The following MPP7 variants were observed in gnomAD, a reference collection of about 807,000 sequenced individuals.
MPP7 encodes the protein MAGUK p55 scaffold protein 7.
In MPP7, 60 loss-of-function variants were observed where a neutral mutation model predicts 76.5. The ratio of observed to expected loss-of-function variants is 0.78; its 90% CI spans 0.64 to 0.97. MPP7 has a LOEUF of 0.97. Among genes scored for constraint, MPP7 ranks in the 50% least tolerant of loss-of-function variants. The pLI is 0.00. For synonymous variants in MPP7, 237 were observed against 244.5 expected (o/e 0.97, Z 0.29); for missense variants, 641 against 694.0 (o/e 0.92, Z 0.86).
At chr10:28,279,615 G>A (rs1359572663) in intron 1 of MPP7, among the ~76,000 whole-genome samples, 1 of 151,392 alleles carries the variant, frequency 6.6e-6, no homozygotes, top group Non-Finnish European at 1.5e-5. Context: ...CGAGGCAGTA[G>A]AATCACTTGA....
chr10:28,119,630 C>A, intron 11 of MPP7, 21 bp downstream of exon 11: 2 of 1,603,486 alleles, frequency 1.2e-6, no homozygotes, highest in Non-Finnish European at 1.7e-6. Flanking sequence ...GGTTTCTCTG[C>A]ATTCTTATTA....
At chr10:28,132,532 C>T (rs1196881115) in intron 5 of MPP7, among the ~76,000 whole-genome samples, 2 of 152,160 alleles carry the variant, frequency 1.3e-5, no homozygotes, top group East Asian at 1.9e-4. Flanking sequence ...TAGGCTCAAG[C>T]GATCCTAATT....
Position 28,124,206 on chromosome 10 carries a change from G to C in MPP7, c.530-90C>G, listed in dbSNP as rs1027540129. 4.6e-6 allele frequency: 4 copies of C among 873,378 alleles called. No homozygotes were observed. The African/African-American group carries it at 6.6e-5, about 14-fold the overall frequency. The allele number at this position is 873,378 out of a possible 1,614,324, so 54.1% of individuals were successfully genotyped here. ...GTTTCCATAAGTAAAGCATTGTTAG[G>C]TTCCCTTAATACACTTAACGAATGG... On this transcript the variant is annotated intron_variant, in intron 7 of 16. Transcript: ENST00000683449.
At chr10:28,144,500 T>G (rs1009267952) in intron 5 of MPP7, among the ~76,000 whole-genome samples, 1 of 152,162 alleles carries the variant, frequency 6.6e-6, no homozygotes, top group Admixed American at 6.5e-5. Context: ...TCACCCCTTC[T>G]TCCTTCGCAA....
intron 13 of MPP7, among the ~76,000 whole-genome samples, chr10:28,068,206 A>G (rs1484077700): frequency 6.6e-6 from 1 of 152,146 alleles, no homozygotes; most frequent in African/African-American, 2.4e-5. Context: ...TTACAGGCAA[A>G]AAAAATGTCT....
At chr10:28,198,598 G>T (rs922164290) in intron 3 of MPP7, among the ~76,000 whole-genome samples, 1 of 143,184 alleles carries the variant, frequency 7.0e-6, no homozygotes, top group African/African-American at 2.6e-5. Flanking sequence ...AAAAAAAAAA[G>T]AAAGAAAGAA....
intron 12 of MPP7, among the ~76,000 whole-genome samples, chr10:28,075,229 C>T (rs1297119663): frequency 5.3e-5 from 8 of 152,074 alleles, no homozygotes; most frequent in Non-Finnish European, 7.3e-5. Context: ...GCCCCACCTC[C>T]GACACTGGGG....
intron 1 of MPP7, among the ~76,000 whole-genome samples, chr10:28,273,966 A>AAAAC (rs61267137): frequency 0.15 from 22,532 of 151,850 alleles, 1,765 homozygotes; most frequent in South Asian, 0.19. Context: ...TCTCTAAAAC[A>AAAAC]AAACAAACAA....
At chr10:28,231,678 C>G (rs1838888961) in intron 2 of MPP7, among the ~76,000 whole-genome samples, 1 of 152,012 alleles carries the variant, frequency 6.6e-6, no homozygotes, top group Non-Finnish European at 1.5e-5. Flanking sequence ...CCAAAATTGA[C>G]TCAAGAAGAA....
intron 2 of MPP7, among the ~76,000 whole-genome samples, chr10:28,324,431 A>C (rs1380299623): frequency 1.3e-5 from 2 of 152,226 alleles, no homozygotes; most frequent in African/African-American, 4.8e-5. Context: ...CACAGATAGT[A>C]AGATTATTAT....
intron 1 of MPP7, among the ~76,000 whole-genome samples, chr10:28,295,902 G>C (rs1051183925): frequency 1.2e-4 from 19 of 152,176 alleles, no homozygotes; most frequent in African/African-American, 4.6e-4. Context: ...TGTTGTTAAA[G>C]GGATGGAAGA....
intron 2 of MPP7, among the ~76,000 whole-genome samples, chr10:28,308,448 C>T (rs1468689799): frequency 6.6e-6 from 1 of 152,214 alleles, no homozygotes; most frequent in African/African-American, 2.4e-5. Context: ...GCAGGAGTAA[C>T]AGAATTGCTT....
intron 2 of MPP7, among the ~76,000 whole-genome samples, chr10:28,222,391 A>G (rs1838539585): frequency 6.6e-6 from 1 of 151,976 alleles, no homozygotes; most frequent in African/African-American, 2.4e-5. Context: ...CAGCTGAGGC[A>G]GGAGGATCAC....
chr10:28,130,982 T>G (rs1835172265), intron 6 of MPP7, among the ~76,000 whole-genome samples: 1 of 152,168 alleles, frequency 6.6e-6, no homozygotes, highest in African/African-American at 2.4e-5. Flanking sequence ...GGAAATTTCT[T>G]CATTGCCATT....
At chr10:28,084,535 G>A (rs979295564) in intron 12 of MPP7, among the ~76,000 whole-genome samples, 13 of 152,174 alleles carry the variant, frequency 8.5e-5, no homozygotes, top group Non-Finnish European at 1.9e-4. Context: ...ACCTCCAGGT[G>A]ACCAGAATGC....
At position 28,255,957 on chromosome 10, in the gene MPP7, T is replaced by C. The variant is rs1413794080; in HGVS notation, c.-131-17222A>G. On this transcript the variant is annotated intron_variant, in intron 1 of 16. Transcript: ENST00000683449. ...AGTGTTTTACTTCCTTTATACTTAGTGAAATATACTTCATACAAATCATCC... is the reference window on the plus strand; with the variant it reads ...AGTGTTTTACTTCCTTTATACTTAGCGAAATATACTTCATACAAATCATCC... Among the ~76,000 whole-genome samples, 10 of 152,142 alleles carry C rather than the reference T, an allele frequency of 6.6e-5. No homozygotes were observed. The East Asian group carries it at 1.9e-3, about 29-fold the overall frequency.
intron 1 of MPP7, among the ~76,000 whole-genome samples, chr10:28,296,445 T>G (rs1841036998): frequency 1.3e-5 from 2 of 152,224 alleles, no homozygotes; most frequent in Admixed American, 1.3e-4. Flanking sequence ...CTTTCTCACT[T>G]AGATTCCTAT....
chr10:28,219,992 C>T (rs933162826), intron 2 of MPP7, among the ~76,000 whole-genome samples: 2 of 152,114 alleles, frequency 1.3e-5, no homozygotes, highest in African/African-American at 4.8e-5. Flanking sequence ...CTCACACTTT[C>T]CCTCAACTGC....
At chr10:28,228,930 C>T (rs1348326344) in intron 2 of MPP7, among the ~76,000 whole-genome samples, 4 of 151,986 alleles carry the variant, frequency 2.6e-5, no homozygotes, top group South Asian at 2.1e-4. Context: ...GGGCTGATGG[C>T]TGATGGAAAG....
Sources: gnomAD v4.1 joint callset for allele counts (sites outside exome capture counted in the v4.1 genomes callset) on GRCh38, gnomAD v4.1.1 for gene constraint, MANE v1.5 for transcripts, NCBI Gene and HGNC (gene_info 2026-07-23, HGNC 2026-07-21) for gene names.